EPHA6: variants seen among roughly 807,000 people sequenced by gnomAD.
The protein encoded by EPHA6 is ephrin type-A receptor 6.
In EPHA6, 50 loss-of-function variants were observed where a neutral mutation model predicts 112.0. The ratio of observed to expected loss-of-function variants is 0.45; its 90% CI spans 0.36 to 0.56. EPHA6 has a LOEUF of 0.56. Among genes scored for constraint, EPHA6 ranks in the 20% least tolerant of loss-of-function variants. The pLI is 0.00. For synonymous variants in EPHA6, 529 were observed against 490.7 expected, an observed-to-expected ratio of 1.08 and a Z score of -1.03; for missense variants, 1,280 against 1,417.4, an observed-to-expected ratio of 0.90 and a Z score of 1.56.
rs183602794 is a variant in EPHA6, at chr3:97,501,734, A to G, written c.2200+17675A>G. Among the ~76,000 whole-genome samples, 1,000 of 152,238 alleles carry G rather than the reference A, an allele frequency of 6.6e-3. 21 individuals are homozygous for G. Among genetic ancestry groups the G allele is most frequent in the African/African-American group, 0.022 (920 of 41,494 alleles). On this transcript the variant is annotated intron_variant, in intron 10 of 17. Coordinates refer to ENST00000389672, the MANE Select transcript of EPHA6 (RefSeq NM_001080448.3). ...GCCTTAAAATGCTTATTTTAGAAAC[A>G]AAGAAATGATGAATATTAAAGAGCT...
chr3:97,083,416 T>C (rs1404817999), intron 3 of EPHA6, among the ~76,000 whole-genome samples: 1 of 152,016 alleles, frequency 6.6e-6, no homozygotes, highest in Non-Finnish European at 1.5e-5. Context: ...CTTTGGTATT[T>C]GCTTTCTGGA....
intron 5 of EPHA6, among the ~76,000 whole-genome samples, chr3:97,382,709 A>G (rs2085826794): frequency 6.6e-6 from 1 of 152,056 alleles, no homozygotes; most frequent in East Asian, 1.9e-4. Flanking sequence ...CTTTATGAAA[A>G]TACAATCAGT....
At chr3:97,436,911 T>C (rs1004578851) in intron 6 of EPHA6, among the ~76,000 whole-genome samples, 2 of 152,208 alleles carry the variant, frequency 1.3e-5, no homozygotes, top group Non-Finnish European at 2.9e-5. Context: ...AGTTCTTAGA[T>C]AAATTTTATT....
intron 3 of EPHA6, among the ~76,000 whole-genome samples, chr3:97,140,797 C>T (rs1048679055): frequency 1.3e-5 from 2 of 152,122 alleles, no homozygotes; most frequent in African/African-American, 4.8e-5. Context: ...TAGGTAACAA[C>T]ATTATGATAG....
chr3:97,139,945 A>G (rs923856148), intron 3 of EPHA6, among the ~76,000 whole-genome samples: 1 of 152,146 alleles, frequency 6.6e-6, no homozygotes, highest in Non-Finnish European at 1.5e-5. Flanking sequence ...AATGTGGAAA[A>G]CCAATACAAA....
At chr3:97,036,858 T>A (rs2045117069) in intron 3 of EPHA6, among the ~76,000 whole-genome samples, 1 of 151,998 alleles carries the variant, frequency 6.6e-6, no homozygotes, top group Non-Finnish European at 1.5e-5. Context: ...CCCTCAGTGC[T>A]GATTGTTGGC....
chr3:96,869,502 G>A (rs928968920), intron 2 of EPHA6, among the ~76,000 whole-genome samples: 4 of 151,930 alleles, frequency 2.6e-5, no homozygotes, highest in African/African-American at 9.7e-5. Flanking sequence ...TAGGAATGCT[G>A]AGAATCATTT....
chr3:96,877,633 A>G (rs904765070), intron 2 of EPHA6, among the ~76,000 whole-genome samples: 3 of 137,482 alleles, frequency 2.2e-5, no homozygotes, highest in Non-Finnish European at 4.6e-5. Context: ...CAAAAAACAC[A>G]GGTTGGCGTT....
At chr3:96,893,633 G>T (rs1462395500) in intron 2 of EPHA6, among the ~76,000 whole-genome samples, 4 of 152,154 alleles carry the variant, frequency 2.6e-5, no homozygotes, top group Non-Finnish European at 5.9e-5. Context: ...TAAAGTATCT[G>T]CTCATTGAAA....
intron 6 of EPHA6, among the ~76,000 whole-genome samples, chr3:97,446,932 A>T (rs989168575): frequency 6.6e-6 from 1 of 152,096 alleles, no homozygotes; most frequent in Non-Finnish European, 1.5e-5. Context: ...TTTACTTTCT[A>T]ATCTTAAAAT....
At chr3:96,959,412 T>C (rs1290851618) in intron 2 of EPHA6, among the ~76,000 whole-genome samples, 5 of 152,158 alleles carry the variant, frequency 3.3e-5, no homozygotes, top group African/African-American at 1.2e-4. Flanking sequence ...TACAAGTCCT[T>C]TATCAAATAT....
intron 3 of EPHA6, among the ~76,000 whole-genome samples, chr3:97,121,054 T>TCCTTTTCAATATAATTAAATG (rs1358457411): frequency 1.3e-5 from 2 of 152,016 alleles, no homozygotes; most frequent in African/African-American, 4.8e-5. Flanking sequence ...AAAATCCATA[T>TCCTTTTCAATATAATTAAATG]CCTTTTCAAT....
intron 5 of EPHA6, among the ~76,000 whole-genome samples, chr3:97,257,889 T>C (rs1312540887): frequency 1.3e-5 from 2 of 152,024 alleles, no homozygotes; most frequent in Non-Finnish European, 2.9e-5. Context: ...CCTATATATA[T>C]TGTTACCCCA....
chr3:97,707,062 G>T (rs2033718240), intron 14 of EPHA6, among the ~76,000 whole-genome samples: 1 of 152,070 alleles, frequency 6.6e-6, no homozygotes, highest in Admixed American at 6.5e-5. Context: ...TGAAAATTTA[G>T]ACTGAGAAAT....
intron 3 of EPHA6, among the ~76,000 whole-genome samples, chr3:97,043,444 T>G (rs1050080466): frequency 3.3e-5 from 5 of 152,192 alleles, no homozygotes; most frequent in African/African-American, 1.2e-4. Flanking sequence ...TCACTTCATG[T>G]ATCAGGAACC....
chr3:96,915,423 A>T (rs1237744910), intron 2 of EPHA6, among the ~76,000 whole-genome samples: 1 of 152,110 alleles, frequency 6.6e-6, no homozygotes, highest in Non-Finnish European at 1.5e-5. Context: ...ATGATTACAG[A>T]CTGCTATTAT....
intron 1 of EPHA6, among the ~76,000 whole-genome samples, chr3:96,833,273 C>G (rs1317168460): frequency 6.6e-6 from 1 of 150,534 alleles, no homozygotes; most frequent in South Asian, 2.1e-4. Flanking sequence ...AAGATGAAGA[C>G]AGGTATTGGT....
intron 1 of EPHA6, among the ~76,000 whole-genome samples, chr3:96,865,210 C>A (rs945012746): frequency 2.6e-5 from 4 of 152,010 alleles, no homozygotes; most frequent in Non-Finnish European, 5.9e-5. Flanking sequence ...AAGGAATATT[C>A]TGCAATGAGT....
chr3:97,300,573 A>G (rs980867750), intron 5 of EPHA6, among the ~76,000 whole-genome samples: 1 of 152,138 alleles, frequency 6.6e-6, no homozygotes, highest in African/African-American at 2.4e-5. Context: ...ATGATATGTC[A>G]AATAAATGGG....
Sources: allele counts gnomAD v4.1 joint callset (sites outside exome capture counted in the v4.1 genomes callset), GRCh38; gene constraint gnomAD v4.1.1; transcripts MANE v1.5; gene names NCBI Gene and HGNC (gene_info 2026-07-23, HGNC 2026-07-21).